UNC45A: variants seen among roughly 807,000 people sequenced by gnomAD.
UNC45A encodes protein unc-45 homolog A.
In UNC45A, 78 loss-of-function variants were observed where a neutral mutation model predicts 103.2. The ratio of observed to expected loss-of-function variants is 0.76; its 90% CI spans 0.63 to 0.91. UNC45A has a LOEUF of 0.91. Ranked by LOEUF, UNC45A falls within the 40% of genes least tolerant of loss-of-function variation. The probability of loss-of-function intolerance (pLI) is 0.00; values close to 1 mark genes in which losing one functional copy is unlikely to be tolerated. For missense variants in UNC45A, 1,193 were observed against 1,224.8 expected (o/e 0.97, Z 0.39); for synonymous variants, 495 against 504.6 (o/e 0.98, Z 0.25).
chr15:90,936,810 A>G (rs1018854084), intron 4 of UNC45A, among the ~76,000 whole-genome samples: 1 of 152,176 alleles, frequency 6.6e-6, no homozygotes, highest in African/African-American at 2.4e-5. Flanking sequence ...TTGTGATCCC[A>G]TATGTTTACT....
chr15:90,937,093 C>T (rs2036059950), intron 4 of UNC45A, among the ~76,000 whole-genome samples: 1 of 152,218 alleles, frequency 6.6e-6, no homozygotes. Flanking sequence ...TGCCTGTAAT[C>T]CCAGTGCTTT....
At chr15:90,935,059 C>T (rs750915760), upstream of UNC45A, 1 of 575,734 alleles carries the variant, frequency 1.7e-6, no homozygotes, top group South Asian at 2.0e-5. Flanking sequence ...CTGGAGCCAC[C>T]GCAGGCCTCC....
At chr15:90,951,148 T>C (rs892188066) in intron 17 of UNC45A, among the ~76,000 whole-genome samples, 3 of 152,274 alleles carry the variant, frequency 2.0e-5, no homozygotes, top group African/African-American at 4.8e-5. Flanking sequence ...GCTGGGATTA[T>C]AGGCACGTGC....
rs774300128 is a variant in UNC45A, at chr15:90,948,225, T to G, written c.1679T>G (p.Val560Gly). The G allele has an allele frequency of 4.3e-6, 7 of 1,613,908 alleles. No homozygotes were observed. Among genetic ancestry groups the G allele is most frequent in the Non-Finnish European group, 5.1e-6 (6 of 1,180,020 alleles). The change falls in exon 12 of 20, where the codon GTG becomes GGG. Residue 560 changes from valine (V) to glycine (G), a missense_variant. Transcript: ENST00000418476. The stretch of plus-strand genomic sequence containing the variant: ...GCTTACCTGACCTTTGATGCCGACG[T>G]GAAGGAAGAGTTTGTGGAGGATGCG... ...GLAYLTFDAD[V>G]KEEFVEDAAA... is the part of the protein sequence containing the mutation.
chr15:90,952,299 T>C (rs958991207), intron 17 of UNC45A: 5 of 152,510 alleles, frequency 3.3e-5, no homozygotes, highest in African/African-American at 9.6e-5. Flanking sequence ...AAGCATGGCA[T>C]TGGCATTTGC....
In UNC45A at chr15:90,945,117, G is replaced by C. The variant is rs1342393755; in HGVS notation, c.1199+54G>C. The C allele has an allele frequency of 2.7e-5, 43 of 1,597,678 alleles. 1 individual carries two copies. The Admixed American group carries it at 7.4e-4, about 27-fold the overall frequency. ...CCAGGGATTCTAGCGAAAAAGTTCT[G>C]ACTCCTTGAGGAGGGGCAGAAATGA... On this transcript the variant is annotated intron_variant, in intron 9 of 19. Transcript: ENST00000418476.
upstream of UNC45A, chr15:90,932,347 T>A: frequency 1.1e-6 from 1 of 889,218 alleles, no homozygotes; most frequent in Non-Finnish European, 1.6e-6. Context: ...AGGTGCTCAA[T>A]GAGGTGCACG....
chr15:90,938,522 A>T (rs2036128477), intron 4 of UNC45A, among the ~76,000 whole-genome samples: 1 of 151,966 alleles, frequency 6.6e-6, no homozygotes, highest in Admixed American at 6.6e-5. Context: ...CAAGCAGGGG[A>T]ACGTGCCATG....
chr15:90,945,928 C>CACT (rs1442041034), intron 9 of UNC45A, among the ~76,000 whole-genome samples: 7 of 151,624 alleles, frequency 4.6e-5, no homozygotes, highest in Non-Finnish European at 8.8e-5. Flanking sequence ...GCATGAGGAC[C>CACT]GCGTCCAGGC....
upstream of UNC45A, chr15:90,931,638 C>T (rs1390944544): frequency 6.2e-7 from 1 of 1,614,086 alleles, no homozygotes; most frequent in East Asian, 2.2e-5. Context: ...GGGGAACTGA[C>T]CAACATGTGT....
At chr15:90,946,443 A>G in intron 9 of UNC45A, among the ~76,000 whole-genome samples, 171 bp from the exon 10 acceptor site, 1 of 152,210 alleles carries the variant, frequency 6.6e-6, no homozygotes, top group Admixed American at 6.5e-5. Context: ...AAGTCGATAA[A>G]GAAAATCAGC....
upstream of UNC45A, chr15:90,931,328 G>T (rs1213609264): frequency 1.9e-6 from 3 of 1,551,652 alleles, no homozygotes; most frequent in Admixed American, 5.9e-5. Flanking sequence ...TCTTCCAGTT[G>T]CCGGTTTGTT....
At chr15:90,943,209 T>C (rs534711629) in intron 8 of UNC45A, 127 bp downstream of exon 8, 177 of 1,198,444 alleles carry the variant, frequency 1.5e-4, no homozygotes, top group Admixed American at 3.7e-4. Flanking sequence ...AGGGGGTCAC[T>C]TGAAGCCGGG....
chr15:90,947,574 C>T lies in UNC45A; in HGVS notation c.1501-222C>T, dbSNP rs577653600. ...GGGCCCACGACTGTCCAGCGGCCAG[C>T]GCATCAGTGTCTGCAGATGCTGTGT... is the stretch of plus-strand genomic sequence containing the variant. On this transcript the variant is annotated intron_variant, in intron 10 of 19. Coordinates refer to ENST00000418476, the MANE Select transcript of UNC45A (RefSeq NM_018671.5). 3.4e-4 allele frequency: 198 copies of T among 574,266 alleles called. 2 individuals carry two copies. Among genetic ancestry groups the T allele is most frequent in the South Asian group, 3.1e-3 (153 of 49,110 alleles). The allele number at this position is 574,266 out of a possible 1,614,324, so 35.6% of individuals were successfully genotyped here.
intron 8 of UNC45A, among the ~76,000 whole-genome samples, chr15:90,944,057 C>T (rs1223988090): frequency 2.5e-5 from 3 of 119,394 alleles, no homozygotes; most frequent in African/African-American, 6.6e-5. Context: ...GAAAAAATAA[C>T]GGTAGATATA....
At chr15:90,939,087 C>G (rs984001630) in intron 4 of UNC45A, among the ~76,000 whole-genome samples, 1 of 151,996 alleles carries the variant, frequency 6.6e-6, no homozygotes, top group South Asian at 2.1e-4. Context: ...TCAAGTGATT[C>G]TCCTGCCTCA....
Position 90,949,323 on chromosome 15 carries a change from C to A in UNC45A, c.1886C>A (p.Pro629Gln). The change falls in exon 14 of 20, where the codon CCA becomes CAA. Residue 629 changes from proline to glutamine, a missense_variant. By Grantham distance (76) the Pro-to-Gln change is moderately conservative. Coordinates refer to ENST00000418476, the MANE Select transcript of UNC45A (RefSeq NM_018671.5). ...AGCTGCCTCCTCCCCCAGGACAAGC[C>A]AAGCTTCGTGCGGGCTCGGGTGAAG... ...HVPEQHPKDK[P>Q]SFVRARVKKL... is the part of the protein sequence containing the mutation. 6.2e-7 allele frequency: 1 copy of A among 1,612,054 alleles called. No individual in the cohort carries two copies. Among genetic ancestry groups the A allele is most frequent in the Non-Finnish European group, 8.5e-7 (1 of 1,179,972 alleles).
chr15:90,951,768 A>G (rs956399294), intron 17 of UNC45A, among the ~76,000 whole-genome samples: 1 of 151,716 alleles, frequency 6.6e-6, no homozygotes, highest in African/African-American at 2.4e-5. Flanking sequence ...TGGAAAAAAA[A>G]TTTGCAAGGT....
At chr15:90,931,843 T>A, upstream of UNC45A, 1 of 1,614,164 alleles carries the variant, frequency 6.2e-7, no homozygotes, top group Admixed American at 1.7e-5. Context: ...TCTTGTCATC[T>A]GTTACCTCCT....
Sources: gnomAD v4.1 joint callset for allele counts (sites outside exome capture counted in the v4.1 genomes callset) on GRCh38, gnomAD v4.1.1 for gene constraint, MANE v1.5 for transcripts, NCBI Gene and HGNC (gene_info 2026-07-23, HGNC 2026-07-21) for gene names.